The following TRPC7 variants were observed in gnomAD, a reference collection of about 807,000 sequenced individuals.
The protein encoded by TRPC7 is short transient receptor potential channel 7.
Under a neutral mutation model 90.1 loss-of-function variants are expected in TRPC7, and 42 were observed. The observed-to-expected ratio is 0.47, with a 90% CI of 0.36 to 0.60. The LOEUF (loss-of-function observed/expected upper bound fraction) is 0.60, where lower values mean the gene tolerates loss of function less well. Ranked by LOEUF, TRPC7 falls within the 20% of genes least tolerant of loss-of-function variation. The probability of loss-of-function intolerance (pLI) is 0.00; values close to 1 mark genes in which losing one functional copy is unlikely to be tolerated. For missense variants in TRPC7, 955 were observed against 1,112.3 expected, an observed-to-expected ratio of 0.86 and a Z score of 2.01; for synonymous variants, 451 against 436.3, an observed-to-expected ratio of 1.03 and a Z score of -0.42.
At chr5:136,286,875 A>G (rs1757735965) in intron 3 of TRPC7, among the ~76,000 whole-genome samples, 1 of 152,170 alleles carries the variant, frequency 6.6e-6, no homozygotes, top group Non-Finnish European at 1.5e-5. Context: ...AGGTAGAAGC[A>G]TCTCACAAAC....
At chr5:136,214,344 C>T (rs2149790973) in intron 11 of TRPC7, 1 of 152,384 alleles carries the variant, frequency 6.6e-6, no homozygotes, top group Non-Finnish European at 1.5e-5. Flanking sequence ...TCAAAAGGAT[C>T]TTTCCTAATA....
At chr5:136,279,704 C>T (rs1036724200) in intron 3 of TRPC7, among the ~76,000 whole-genome samples, 48 of 152,180 alleles carry the variant, frequency 3.2e-4, no homozygotes, top group African/African-American at 1.1e-3. Flanking sequence ...AACCTGAAAT[C>T]AAAGAAGTGG....
chr5:136,213,732 G>A (rs1755168103), intron 11 of TRPC7, 128 bp from the exon 12 acceptor site: 1 of 956,566 alleles, frequency 1.0e-6, no homozygotes, highest in Non-Finnish European at 1.6e-6. Context: ...CAGGGTTGAA[G>A]GTGAGGCAAG....
At chr5:136,363,575 T>C (rs1760633574) in intron 1 of TRPC7, among the ~76,000 whole-genome samples, 1 of 152,162 alleles carries the variant, frequency 6.6e-6, no homozygotes, top group Non-Finnish European at 1.5e-5. Context: ...AGTATCCTTC[T>C]TTTACTCATT....
chr5:136,308,979 C>T (rs1015563884), intron 3 of TRPC7, among the ~76,000 whole-genome samples: 2 of 152,134 alleles, frequency 1.3e-5, no homozygotes, highest in African/African-American at 4.8e-5. Flanking sequence ...GTAAAATGTG[C>T]ACAAGGTGGT....
chr5:136,319,481 C>A (rs1183698495), intron 2 of TRPC7, among the ~76,000 whole-genome samples: 3 of 152,108 alleles, frequency 2.0e-5, no homozygotes, highest in Non-Finnish European at 2.9e-5. Flanking sequence ...AAAGAAATTT[C>A]TCTTGACCCC....
At chr5:136,343,442 C>G (rs974308841) in intron 2 of TRPC7, among the ~76,000 whole-genome samples, 3 of 152,128 alleles carry the variant, frequency 2.0e-5, no homozygotes, top group African/African-American at 7.2e-5. Context: ...AAATAAGATC[C>G]TTAATCCAAA....
chr5:136,248,439 G>A (rs1756414709), intron 6 of TRPC7, among the ~76,000 whole-genome samples: 1 of 152,208 alleles, frequency 6.6e-6, no homozygotes, highest in Non-Finnish European at 1.5e-5. Context: ...TCAAATGACT[G>A]AATAGACTTT....
At chr5:136,296,563 C>A (rs1030155562) in intron 3 of TRPC7, among the ~76,000 whole-genome samples, 1 of 152,152 alleles carries the variant, frequency 6.6e-6, no homozygotes, top group Non-Finnish European at 1.5e-5. Context: ...CAATCTCATG[C>A]TAGCATCAAC....
intron 3 of TRPC7, among the ~76,000 whole-genome samples, chr5:136,295,149 G>T (rs932197874): frequency 6.6e-6 from 1 of 151,590 alleles, no homozygotes; most frequent in African/African-American, 2.4e-5. Context: ...GGGGTGGGGG[G>T]AGTGGGGAGG....
chr5:136,249,383 T>C, intron 6 of TRPC7, among the ~76,000 whole-genome samples: 1 of 152,224 alleles, frequency 6.6e-6, no homozygotes, highest in East Asian at 1.9e-4. Flanking sequence ...GATTCTATGT[T>C]CTCATCAAGG....
At chr5:136,253,482 T>G (rs1756591023) in intron 5 of TRPC7, among the ~76,000 whole-genome samples, 1 of 152,218 alleles carries the variant, frequency 6.6e-6, no homozygotes, top group Non-Finnish European at 1.5e-5. Flanking sequence ...CTATGTCATA[T>G]TTTGGTAATT....
At chr5:136,312,200 G>A (rs571356904) in intron 3 of TRPC7, among the ~76,000 whole-genome samples, 1 of 152,164 alleles carries the variant, frequency 6.6e-6, no homozygotes, top group African/African-American at 2.4e-5. Context: ...GGGAGGCTGA[G>A]CGCCCTCTTA....
Position 136,251,887 on chromosome 5 carries a change from G to GGGAGAA in TRPC7, c.1346-11_1346-6dup, listed in dbSNP as rs1554110123. On this transcript the variant is annotated splice_region_variant and splice_polypyrimidine_tract_variant and intron_variant, in intron 5 of 11. Transcript: ENST00000513104. ...TGCATTCGGACCAAATCATTCCTGT[G>GGGAGAA]GGAGAAGGAGAAGGCCAGGCTCACT... 2 of 1,611,304 alleles carry GGGAGAA rather than the reference G, an allele frequency of 1.2e-6. No individual in the cohort carries two copies. Among genetic ancestry groups the GGGAGAA allele is most frequent in the South Asian group, 2.2e-5 (2 of 91,024 alleles).
chr5:136,345,051 T>C (rs888266114), intron 2 of TRPC7, among the ~76,000 whole-genome samples: 1 of 152,218 alleles, frequency 6.6e-6, no homozygotes, highest in African/African-American at 2.4e-5. Context: ...AAAAGTCATA[T>C]TTCTTGAATT....
chr5:136,274,007 T>C (rs1196707419), intron 4 of TRPC7, among the ~76,000 whole-genome samples: 2 of 152,148 alleles, frequency 1.3e-5, no homozygotes, highest in Admixed American at 6.6e-5. Flanking sequence ...CACTGGACAC[T>C]CCCCCTCAGG....
chr5:136,213,212 C>T lies in TRPC7; in HGVS notation c.*223G>A, dbSNP rs768310762. The T allele has an allele frequency of 3.4e-5, 19 of 551,750 alleles. No individual in the cohort carries two copies. Among genetic ancestry groups the T allele is most frequent in the Non-Finnish European group, 5.8e-5 (18 of 310,454 alleles). 34.2% of individuals were successfully genotyped at this position (551,750 alleles called of 1,614,324 possible). A position where few individuals can be genotyped will look rare whatever the true frequency, so the allele number is the denominator to read the frequency against. ...CAGGGGGCTGTTCCTCCCCTCCTCC[C>T]ATGGTAGCTTTTCTTACCCAACCAC... On this transcript the variant is annotated 3_prime_UTR_variant, in exon 12 of 12. Coordinates refer to ENST00000513104, the MANE Select transcript of TRPC7 (RefSeq NM_020389.3).
chr5:136,330,749 G>A (rs1331388921), intron 2 of TRPC7, among the ~76,000 whole-genome samples: 1 of 152,238 alleles, frequency 6.6e-6, no homozygotes, highest in South Asian at 2.1e-4. Context: ...ACCAGCAGGT[G>A]TGTGGCAACA....
chr5:136,279,165 A>C (rs545380260), intron 3 of TRPC7, among the ~76,000 whole-genome samples: 1 of 152,262 alleles, frequency 6.6e-6, no homozygotes. Flanking sequence ...AGGACACAAA[A>C]ATACTCTCTG....
Sources: gnomAD v4.1 joint callset for allele counts (sites outside exome capture counted in the v4.1 genomes callset) on GRCh38, gnomAD v4.1.1 for gene constraint, MANE v1.5 for transcripts, NCBI Gene and HGNC (gene_info 2026-07-23, HGNC 2026-07-21) for gene names.